Variants in ZNF567 observed in about 807,000 individuals in gnomAD.
The protein encoded by ZNF567 is zinc finger protein 567.
Under a neutral mutation model 53.9 loss-of-function variants are expected in ZNF567, and 36 were observed. The ratio of observed to expected loss-of-function variants is 0.67; its 90% CI spans 0.51 to 0.88. The LOEUF is 0.88. Ranked by LOEUF, ZNF567 falls within the 40% of genes least tolerant of loss-of-function variation. The pLI, the probability that ZNF567 is intolerant of heterozygous loss-of-function variation, is 0.00. For synonymous variants in ZNF567, 224 were observed against 260.4 expected, an observed-to-expected ratio of 0.86 and a Z score of 1.35; for missense variants, 619 against 764.7, an observed-to-expected ratio of 0.81 and a Z score of 2.25.
At chr19:36,678,421 C>G in the ZNF567 span, among the ~76,000 whole-genome samples, 1 of 152,142 alleles carries the variant, frequency 6.6e-6, no homozygotes, top group Non-Finnish European at 1.5e-5. Context: ...GAATCCTATT[C>G]CACATAGCAA....
At chr19:36,695,692 T>C (rs2038849196) in intron 3 of ZNF567, among the ~76,000 whole-genome samples, 1 of 136,154 alleles carries the variant, frequency 7.3e-6, no homozygotes, top group Non-Finnish European at 1.6e-5. Context: ...AAGACTCTCT[T>C]TATTAAAAAA....
At chr19:36,685,699 G>A (rs1474193506), upstream of ZNF567, 1 of 152,100 alleles carries the variant, frequency 6.6e-6, no homozygotes, top group Non-Finnish European at 1.5e-5. Context: ...ATATCAATAT[G>A]GTCATTTAAA....
intron 3 of ZNF567, among the ~76,000 whole-genome samples, chr19:36,702,105 T>C (rs1231694848): frequency 1.3e-5 from 2 of 152,166 alleles, no homozygotes; most frequent in East Asian, 1.9e-4. Context: ...AGGAGCTCTT[T>C]TAGGGCAGGC....
chr19:36,679,641 A>G, the ZNF567 span, among the ~76,000 whole-genome samples: 1 of 152,240 alleles, frequency 6.6e-6, no homozygotes, highest in African/African-American at 2.4e-5. Flanking sequence ...GTGGAATACT[A>G]TTCAGCCTTA....
rs1568720660 is a variant in ZNF567, at chr19:36,720,320, C to T, written c.1596C>T (p.Pro532=). 2 of 1,613,990 alleles carry T rather than the reference C, an allele frequency of 1.2e-6. No individual in the cohort carries two copies. Residue 532 remains proline, a synonymous_variant, in exon 6 of 6, where the codon CCC becomes CCT. Coordinates refer to ENST00000682579, the MANE Select transcript of ZNF567 (RefSeq NM_001322917.1). ...AGAGAATTCATACAGGGGAGAAACC[C>T]TATGTTTGTAATGAATGTGGGAAGT... ...LHQRIHTGEK[P]YVCNECGKSF...
the ZNF567 span, among the ~76,000 whole-genome samples, chr19:36,680,901 C>A: frequency 2.0e-5 from 3 of 152,146 alleles, no homozygotes; most frequent in African/African-American, 4.8e-5. Context: ...GGACCCAACC[C>A]ACCCAGACAA....
chr19:36,674,390 C>A, the ZNF567 span, among the ~76,000 whole-genome samples: 1 of 152,194 alleles, frequency 6.6e-6, no homozygotes, highest in Non-Finnish European at 1.5e-5. Context: ...GGTGATAACC[C>A]TGGGAGTTCC....
At chr19:36,686,593 G>A (rs1268673375), upstream of ZNF567, 1 of 152,146 alleles carries the variant, frequency 6.6e-6, no homozygotes, top group Non-Finnish European at 1.5e-5. Context: ...CCTGACCTCT[G>A]AGAGTTCCCA....
the ZNF567 span, among the ~76,000 whole-genome samples, chr19:36,679,315 G>A: frequency 7.2e-5 from 11 of 152,124 alleles, no homozygotes; most frequent in South Asian, 8.3e-4. Flanking sequence ...AGATATTACC[G>A]TGCACCTGTT....
the ZNF567 span, among the ~76,000 whole-genome samples, chr19:36,677,046 T>C: frequency 1.3e-5 from 2 of 150,242 alleles, no homozygotes; most frequent in Non-Finnish European, 3.0e-5. Context: ...TCCCAGCTAC[T>C]TGGGAGGCTG....
At chr19:36,668,743 T>C in the ZNF567 span, 1 of 152,268 alleles carries the variant, frequency 6.6e-6, no homozygotes, top group South Asian at 2.1e-4. Flanking sequence ...GACCAGTAAC[T>C]CCATCACCAA....
chr19:36,697,614 CT>C (rs961460171), intron 3 of ZNF567, among the ~76,000 whole-genome samples: 201 of 141,720 alleles, frequency 1.4e-3, no homozygotes, highest in East Asian at 5.3e-3. Context: ...ATTTTTTTTT[CT>C]TTTTTTTTTT....
chr19:36,716,514 C>T (rs2040072415), intron 5 of ZNF567, among the ~76,000 whole-genome samples: 1 of 152,154 alleles, frequency 6.6e-6, no homozygotes, highest in Non-Finnish European at 1.5e-5. Context: ...GATTCTTTCC[C>T]TCAAAAATAA....
chr19:36,696,441 C>T (rs2038892131), intron 3 of ZNF567, among the ~76,000 whole-genome samples: 1 of 152,188 alleles, frequency 6.6e-6, no homozygotes, highest in Admixed American at 6.5e-5. Context: ...GATATCGCCA[C>T]CTACATGTTC....
the ZNF567 span, among the ~76,000 whole-genome samples, chr19:36,670,462 C>T: frequency 6.6e-6 from 1 of 151,994 alleles, no homozygotes; most frequent in Non-Finnish European, 1.5e-5. Context: ...ACCCCATCAC[C>T]ATTCAACTTG....
At chr19:36,676,055 C>CTTTTTTTTTTTTTTTTT in the ZNF567 span, among the ~76,000 whole-genome samples, 24 of 60,618 alleles carry the variant, frequency 4.0e-4, 5 homozygotes, top group Non-Finnish European at 6.7e-4. Flanking sequence ...TATTCTACAC[C>CTTTTTTTTTTTTTTTTT]TTTTTTTTTT....
intron 5 of ZNF567, among the ~76,000 whole-genome samples, chr19:36,717,880 G>A (rs1226218136): frequency 1.3e-5 from 2 of 152,194 alleles, no homozygotes; most frequent in Non-Finnish European, 2.9e-5. Flanking sequence ...CTTAAACCTG[G>A]AAAAGTGAGT....
upstream of ZNF567, among the ~76,000 whole-genome samples, chr19:36,682,700 C>T (rs938261276): frequency 3.3e-5 from 5 of 151,312 alleles, no homozygotes; most frequent in African/African-American, 9.7e-5. Context: ...CTCCACCTCC[C>T]AGGTTCACGC....
intron 3 of ZNF567, among the ~76,000 whole-genome samples, chr19:36,697,671 G>C (rs2038954156): frequency 6.6e-6 from 1 of 150,788 alleles, no homozygotes; most frequent in Non-Finnish European, 1.5e-5. Flanking sequence ...GGAGTGCAGT[G>C]GTGGATCTCA....
Sources: gnomAD v4.1 joint callset for allele counts (sites outside exome capture counted in the v4.1 genomes callset) on GRCh38, gnomAD v4.1.1 for gene constraint, MANE v1.5 for transcripts, NCBI Gene and HGNC (gene_info 2026-07-23, HGNC 2026-07-21) for gene names.